Variants in ASPRV1 observed in about 807,000 individuals in gnomAD.
The protein encoded by ASPRV1 is aspartic peptidase retroviral like 1.
A neutral mutation model predicts 11.0 loss-of-function variants in ASPRV1; 7 were observed. The observed-to-expected ratio is 0.64, with a 90% CI of 0.36 to 1.20. The LOEUF (loss-of-function observed/expected upper bound fraction) is 1.20. Among genes scored for constraint, ASPRV1 ranks in the 50% most tolerant of loss-of-function variants. ASPRV1 has a pLI of 0.02. For synonymous variants in ASPRV1, 136 were observed against 138.4 expected (o/e 0.98, Z 0.12); for missense variants, 299 against 320.0 (o/e 0.93, Z 0.50).
chr2:70,054,988 A>C, the ASPRV1 span, among the ~76,000 whole-genome samples: 1 of 152,168 alleles, frequency 6.6e-6, no homozygotes, highest in African/African-American at 2.4e-5. Context: ...TCACATTTAT[A>C]AGGTGAAGCA....
the ASPRV1 span, among the ~76,000 whole-genome samples, chr2:70,028,941 A>C: frequency 6.7e-6 from 1 of 149,282 alleles, no homozygotes; most frequent in South Asian, 2.1e-4. Context: ...CTCCGTCTCC[A>C]AAAAAATAAA....
chr2:69,939,644 T>C, the ASPRV1 span: 3 of 152,804 alleles, frequency 2.0e-5, no homozygotes, highest in East Asian at 3.9e-4. Context: ...TGAATATTTT[T>C]GCATTCATAT....
upstream of ASPRV1, chr2:69,963,190 G>T: frequency 4.5e-6 from 2 of 441,878 alleles, no homozygotes; most frequent in Non-Finnish European, 9.1e-6. Context: ...AGAGGCAGTT[G>T]GGTCAACACC....
At chr2:70,037,769 T>C in the ASPRV1 span, among the ~76,000 whole-genome samples, 1 of 152,216 alleles carries the variant, frequency 6.6e-6, no homozygotes, top group African/African-American at 2.4e-5. Context: ...TTTTCCTTTA[T>C]AGTTTCTGCC....
At chr2:69,996,231 A>AC in the ASPRV1 span, among the ~76,000 whole-genome samples, 10 of 150,812 alleles carry the variant, frequency 6.6e-5, no homozygotes, top group East Asian at 1.2e-3. Context: ...AAAAAAAAAA[A>AC]AAAAAAAACA....
At chr2:69,943,556 T>C in the ASPRV1 span, among the ~76,000 whole-genome samples, 6 of 152,206 alleles carry the variant, frequency 3.9e-5, no homozygotes, top group African/African-American at 7.2e-5. Flanking sequence ...ACCTTGTGGA[T>C]TGCACAACTC....
At chr2:69,935,269 A>T in the ASPRV1 span, 2 of 975,492 alleles carry the variant, frequency 2.1e-6, no homozygotes, top group African/African-American at 3.2e-5. Context: ...GCAACTTCAC[A>T]CTCTTTGAGA....
chr2:70,068,501 T>G, the ASPRV1 span, among the ~76,000 whole-genome samples: 1 of 151,240 alleles, frequency 6.6e-6, no homozygotes, highest in Non-Finnish European at 1.5e-5. Flanking sequence ...TCTAGAGGAG[T>G]CACTTCCAAA....
rs768183966 is a variant in ASPRV1, at chr2:69,960,969, C to A, written c.468G>T (p.Glu156Asp). The part of the protein sequence containing the change: ...DGDLDTLQPF[E>D]NVVKVANGAE... The stretch of plus-strand genomic sequence containing the variant: ...CACCATTGGCCACCTTTACCACATT[C>A]TCAAAGGGCTGCAGGGTGTCCAGAT... The change falls in exon 1 of 1, where the codon GAG becomes GAT. Residue 156 changes from glutamate (E) to aspartate (D), a missense_variant. Transcript: ENST00000320256. 2 of 1,614,116 alleles carry A rather than the reference C, an allele frequency of 1.2e-6. No individual in the cohort carries two copies. The highest frequency in any genetic ancestry group is 3.3e-5 in the Admixed American group (2 of 60,014).
chr2:69,936,539 T>C, the ASPRV1 span, among the ~76,000 whole-genome samples: 1 of 152,200 alleles, frequency 6.6e-6, no homozygotes, highest in East Asian at 1.9e-4. Context: ...TTAATTATGG[T>C]TAGAAGCCTG....
At chr2:69,990,206 CAG>C in the ASPRV1 span, among the ~76,000 whole-genome samples, 5 of 152,062 alleles carry the variant, frequency 3.3e-5, no homozygotes, top group South Asian at 1.0e-3. Context: ...TTTTTTGAAA[CAG>C]AGTCTCACTC....
At chr2:70,039,146 G>C in the ASPRV1 span, among the ~76,000 whole-genome samples, 1 of 152,026 alleles carries the variant, frequency 6.6e-6, no homozygotes, top group Non-Finnish European at 1.5e-5. Context: ...CCTAGTGGAG[G>C]GGTGGGCAAA....
chr2:70,041,273 A>G, the ASPRV1 span, among the ~76,000 whole-genome samples: 4 of 152,132 alleles, frequency 2.6e-5, no homozygotes, highest in Admixed American at 2.0e-4. Flanking sequence ...AGTCTTAGAG[A>G]TTTCTTTCAG....
At chr2:69,998,533 T>A in the ASPRV1 span, among the ~76,000 whole-genome samples, 2 of 151,986 alleles carry the variant, frequency 1.3e-5, no homozygotes, top group Admixed American at 6.6e-5. Context: ...CGAGGTCAGA[T>A]CGAGACCACG....
chr2:70,039,163 C>CT, the ASPRV1 span, among the ~76,000 whole-genome samples: 1 of 151,698 alleles, frequency 6.6e-6, no homozygotes, highest in Non-Finnish European at 1.5e-5. Context: ...CAAAAGTACT[C>CT]TGAGGAACAG....
rs902482505 is a variant in ASPRV1, at chr2:69,960,597, C to G, written c.*60G>C. ...AGTGACCCCCATGAGGATATGCAAC[C>G]CCCCCCACAGCGGTGGGTCTTCCCA... On this transcript the variant is annotated 3_prime_UTR_variant, in exon 1 of 1. Transcript: ENST00000320256. 2.0e-5 allele frequency: 31 copies of G among 1,516,066 alleles called. No individual in the cohort carries two copies. The highest frequency in any genetic ancestry group is 1.2e-4 in the South Asian group (10 of 81,768). The allele number at this position is 1,516,066 out of a possible 1,614,324, so 93.9% of individuals were successfully genotyped here. A position where few individuals can be genotyped will look rare whatever the true frequency, so the allele number is the denominator to read the frequency against.
the ASPRV1 span, among the ~76,000 whole-genome samples, chr2:70,026,523 A>T: frequency 6.6e-6 from 1 of 152,144 alleles, no homozygotes; most frequent in Non-Finnish European, 1.5e-5. Context: ...ATACAAAACC[A>T]ACATACGAAA....
chr2:69,993,020 G>T, the ASPRV1 span, among the ~76,000 whole-genome samples: 12 of 152,164 alleles, frequency 7.9e-5, 1 homozygote, highest in Admixed American at 7.9e-4. Context: ...TTTTCTTTGA[G>T]ATCCCCTCAC....
At chr2:69,953,518 A>G in the ASPRV1 span, among the ~76,000 whole-genome samples, 1 of 152,344 alleles carries the variant, frequency 6.6e-6, no homozygotes, top group East Asian at 1.9e-4. Context: ...CCATGGACAC[A>G]GTGTGACTGC....
Sources: allele counts gnomAD v4.1 joint callset (sites outside exome capture counted in the v4.1 genomes callset), GRCh38; gene constraint gnomAD v4.1.1; transcripts MANE v1.5; gene names NCBI Gene and HGNC (gene_info 2026-07-23, HGNC 2026-07-21).